FAR2: variants seen among roughly 807,000 people sequenced by gnomAD.
FAR2 encodes the protein epididymis secretory protein Li 81.
In FAR2, 19 loss-of-function variants were observed where a neutral mutation model predicts 56.0. The ratio of observed to expected loss-of-function variants is 0.34; its 90% CI spans 0.24 to 0.50. The LOEUF is 0.50. Ranked by LOEUF, FAR2 falls within the 20% of genes least tolerant of loss-of-function variation. The probability of loss-of-function intolerance (pLI) is 0.98; values close to 1 mark genes in which losing one functional copy is unlikely to be tolerated. For synonymous variants in FAR2, 219 were observed against 218.8 expected, an observed-to-expected ratio of 1.00 and a Z score of -0.01; for missense variants, 508 against 642.2, an observed-to-expected ratio of 0.79 and a Z score of 2.26.
At chr12:29,157,684 A>G (rs532238153) in intron 1 of FAR2, among the ~76,000 whole-genome samples, 1 of 152,354 alleles carries the variant, frequency 6.6e-6, no homozygotes, top group South Asian at 2.1e-4. Context: ...TTTTTTAAAA[A>G]TCGTGCACTA....
intron 5 of FAR2, 66 bp downstream of exon 5, chr12:29,307,901 TC>T: frequency 6.8e-7 from 1 of 1,479,078 alleles, no homozygotes; most frequent in Non-Finnish European, 9.1e-7. Flanking sequence ...CCAATTACTT[TC>T]TGATGTCTTT....
intron 1 of FAR2, among the ~76,000 whole-genome samples, chr12:29,207,663 T>A (rs1355610491): frequency 6.6e-6 from 1 of 152,168 alleles, no homozygotes; most frequent in Non-Finnish European, 1.5e-5. Context: ...TTATGGCTAA[T>A]ATTGGGCTGA....
At chr12:29,184,382 G>C (rs1950018622) in intron 1 of FAR2, among the ~76,000 whole-genome samples, 1 of 149,312 alleles carries the variant, frequency 6.7e-6, no homozygotes, top group African/African-American at 2.5e-5. Flanking sequence ...CAATTATATG[G>C]GCTGGTTCCT....
intron 1 of FAR2, among the ~76,000 whole-genome samples, chr12:29,267,369 C>G (rs1185811897): frequency 6.6e-6 from 1 of 152,172 alleles, no homozygotes; most frequent in Admixed American, 6.5e-5. Flanking sequence ...CTCATTCCAT[C>G]CTTACCACAG....
intron 1 of FAR2, among the ~76,000 whole-genome samples, chr12:29,237,869 G>T (rs993800233): frequency 2.0e-5 from 3 of 152,210 alleles, no homozygotes; most frequent in Admixed American, 6.5e-5. Context: ...GATTGGTGAT[G>T]GTATTAAAAA....
intron 2 of FAR2, chr12:29,291,540 C>T: frequency 2.3e-6 from 1 of 438,304 alleles, no homozygotes; most frequent in Non-Finnish European, 4.6e-6. Flanking sequence ...CATTTGCATG[C>T]CTTAAAATCA....
chr12:29,297,936 A>G (rs1429734740), intron 4 of FAR2, among the ~76,000 whole-genome samples: 3 of 151,748 alleles, frequency 2.0e-5, no homozygotes, highest in African/African-American at 7.3e-5. Flanking sequence ...GAATCACTTG[A>G]ACCTGGGGAG....
chr12:29,158,107 TTAAAA>T (rs772614725), intron 1 of FAR2, among the ~76,000 whole-genome samples: 1 of 152,244 alleles, frequency 6.6e-6, no homozygotes, highest in South Asian at 2.1e-4. Context: ...AACTGTTTAC[TTAAAA>T]TAATATTTGT....
chr12:29,256,798 G>T (rs942000159), intron 1 of FAR2, among the ~76,000 whole-genome samples: 3 of 152,256 alleles, frequency 2.0e-5, no homozygotes, highest in African/African-American at 7.2e-5. Flanking sequence ...CAGCTGCCGA[G>T]GAGGGTGTAC....
At chr12:29,184,392 T>TAAG (rs1950018819) in intron 1 of FAR2, among the ~76,000 whole-genome samples, 1 of 144,392 alleles carries the variant, frequency 6.9e-6, no homozygotes, top group Admixed American at 6.8e-5. Context: ...GGCTGGTTCC[T>TAAG]AAGAACCATT....
intron 1 of FAR2, among the ~76,000 whole-genome samples, chr12:29,247,607 A>G (rs945699409): frequency 2.0e-5 from 3 of 152,228 alleles, no homozygotes; most frequent in Admixed American, 6.5e-5. Flanking sequence ...GTTGAATAAC[A>G]CATTGAGATA....
intron 1 of FAR2, among the ~76,000 whole-genome samples, chr12:29,240,802 T>TATTTTTTTTATATA (rs34365857): frequency 6.6e-6 from 1 of 151,598 alleles, no homozygotes; most frequent in Non-Finnish European, 1.5e-5. Flanking sequence ...TGTATGTATA[T>TATTTTTTTTATATA]TTTTTTTTAT....
At chr12:29,196,095 C>G (rs941673479) in intron 1 of FAR2, among the ~76,000 whole-genome samples, 2 of 152,084 alleles carry the variant, frequency 1.3e-5, no homozygotes, top group Admixed American at 6.6e-5. Flanking sequence ...ATCTAATTAT[C>G]CATTGATGAT....
chr12:29,248,842 G>T (rs1322552437), intron 1 of FAR2, among the ~76,000 whole-genome samples: 2 of 152,210 alleles, frequency 1.3e-5, no homozygotes, highest in Non-Finnish European at 2.9e-5. Flanking sequence ...CTGAGAAAAA[G>T]AATTCAGCAA....
intron 1 of FAR2, among the ~76,000 whole-genome samples, chr12:29,262,011 C>A (rs1025080920): frequency 6.6e-6 from 1 of 152,186 alleles, no homozygotes; most frequent in African/African-American, 2.4e-5. Context: ...AGTACACAAA[C>A]ACAGAATATT....
At chr12:29,296,358 A>G (rs190947704) in intron 3 of FAR2, among the ~76,000 whole-genome samples, 140 of 152,366 alleles carry the variant, frequency 9.2e-4, no homozygotes, top group Admixed American at 8.2e-3. Flanking sequence ...TTGTTTAACT[A>G]AATTGGAAAT....
intron 10 of FAR2, among the ~76,000 whole-genome samples, chr12:29,330,405 G>A (rs1029783160): frequency 5.3e-5 from 8 of 152,132 alleles, no homozygotes; most frequent in African/African-American, 1.9e-4. Flanking sequence ...CTCCATGCAA[G>A]TTGAGAGGAT....
intron 1 of FAR2, among the ~76,000 whole-genome samples, chr12:29,252,188 A>C (rs1225644442): frequency 2.6e-5 from 4 of 152,178 alleles, no homozygotes. Context: ...GAGGTAAGGA[A>C]GAGTCTGTCT....
intron 2 of FAR2, among the ~76,000 whole-genome samples, chr12:29,272,886 T>A (rs1948641716): frequency 6.6e-6 from 1 of 152,128 alleles, no homozygotes; most frequent in African/African-American, 2.4e-5. Flanking sequence ...CTTTCAATGG[T>A]CAGGTTCCTC....
Sources: allele counts gnomAD v4.1 joint callset (sites outside exome capture counted in the v4.1 genomes callset), GRCh38; gene constraint gnomAD v4.1.1; transcripts MANE v1.5; gene names NCBI Gene and HGNC (gene_info 2026-07-23, HGNC 2026-07-21).